PRCP: variants seen among roughly 807,000 people sequenced by gnomAD.
The protein encoded by PRCP is prolylcarboxypeptidase, also known as lysosomal Pro-X carboxypeptidase.
Under a neutral mutation model 54.2 loss-of-function variants are expected in PRCP, and 46 were observed. The ratio of observed to expected loss-of-function variants is 0.85; its 90% CI spans 0.67 to 1.09. PRCP has a LOEUF of 1.09. Among genes scored for constraint, PRCP ranks in the 50% least tolerant of loss-of-function variants. The pLI is 0.00. For missense variants in PRCP, 613 were observed against 596.8 expected, an observed-to-expected ratio of 1.03 and a Z score of -0.28; for synonymous variants, 240 against 212.2, an observed-to-expected ratio of 1.13 and a Z score of -1.14.
chr11:82,853,402 C>T, intron 2 of PRCP, 124 bp from the exon 3 acceptor site: 1 of 614,504 alleles, frequency 1.6e-6, no homozygotes, highest in Non-Finnish European at 2.7e-6. Flanking sequence ...CAAAGTTGCA[C>T]AATTTGTGTT....
intron 1 of PRCP, among the ~76,000 whole-genome samples, chr11:82,898,983 T>A (rs535122233): frequency 1.3e-3 from 166 of 132,714 alleles, no homozygotes; most frequent in Non-Finnish European, 2.3e-3. Flanking sequence ...CATCTCTATT[T>A]TTAAAAATAA....
At chr11:82,843,614 C>A (rs1858728312) in intron 6 of PRCP, among the ~76,000 whole-genome samples, 1 of 139,186 alleles carries the variant, frequency 7.2e-6, no homozygotes. Flanking sequence ...CCCAGGTATC[C>A]CTGAACTTAC....
chr11:82,833,213 A>C (rs1175309782), intron 8 of PRCP, among the ~76,000 whole-genome samples: 2 of 152,232 alleles, frequency 1.3e-5, no homozygotes, highest in African/African-American at 4.8e-5. Flanking sequence ...ATAAATTCAC[A>C]ATCTCATGGG....
In PRCP at chr11:82,882,391, T is replaced by C. The variant is rs144676967; in HGVS notation, c.168+17844A>G. Among the ~76,000 whole-genome samples, 288 of 152,290 alleles carry C rather than the reference T, an allele frequency of 1.9e-3. 2 individuals carry two copies. The highest frequency in any genetic ancestry group is 6.4e-3 in the African/African-American group (267 of 41,560). On this transcript the variant is annotated intron_variant, in intron 1 of 8. Transcript: ENST00000313010. The stretch of plus-strand genomic sequence containing the variant: ...GTTAAACCTGTTTTGGACACCTGAG[T>C]TGTGCTGAGATATCCATATTAGGGA...
intron 1 of PRCP, among the ~76,000 whole-genome samples, chr11:82,883,630 T>C (rs1456039224): frequency 2.0e-5 from 3 of 152,144 alleles, no homozygotes; most frequent in Non-Finnish European, 4.4e-5. Flanking sequence ...GGTCAGTCAG[T>C]TTGGAATTTA....
chr11:82,837,623 A>G (rs1043388933), intron 8 of PRCP, among the ~76,000 whole-genome samples: 3 of 152,238 alleles, frequency 2.0e-5, no homozygotes, highest in Non-Finnish European at 4.4e-5. Flanking sequence ...TCCTATTTCT[A>G]TATAGACTTG....
chr11:82,863,675 ATGGGTATGTGTT>A (rs1859263554), intron 1 of PRCP, among the ~76,000 whole-genome samples: 1 of 152,230 alleles, frequency 6.6e-6, no homozygotes, highest in African/African-American at 2.4e-5. Flanking sequence ...ATTTGAAAAC[ATGGGTATGTGTT>A]TGTATATGTC....
At chr11:82,852,258 T>C (rs992254298) in intron 3 of PRCP, among the ~76,000 whole-genome samples, 10 of 152,156 alleles carry the variant, frequency 6.6e-5, no homozygotes, top group Admixed American at 3.3e-4. Context: ...TAACACAACA[T>C]TTTTACTTAT....
intron 1 of PRCP, among the ~76,000 whole-genome samples, chr11:82,864,340 T>C (rs1331855803): frequency 6.6e-6 from 1 of 152,212 alleles, no homozygotes; most frequent in East Asian, 1.9e-4. Context: ...GATAACTAGA[T>C]AGTTTTCAAC....
At chr11:82,857,893 A>T (rs7128887) in intron 2 of PRCP, among the ~76,000 whole-genome samples, 2,673 of 152,234 alleles carry the variant, frequency 0.018, 69 homozygotes, top group African/African-American at 0.062. Flanking sequence ...CCACCTTGGC[A>T]GTGCTGATCA....
intron 1 of PRCP, among the ~76,000 whole-genome samples, chr11:82,895,499 G>A (rs1024820705): frequency 1.3e-5 from 2 of 152,052 alleles, no homozygotes; most frequent in African/African-American, 2.4e-5. Context: ...TCCTGTTCAA[G>A]CTCTATCAAG....
At chr11:82,854,635 A>G (rs550828403) in intron 2 of PRCP, among the ~76,000 whole-genome samples, 2 of 149,688 alleles carry the variant, frequency 1.3e-5, no homozygotes, top group South Asian at 4.2e-4. Flanking sequence ...ATCATTTTTC[A>G]CAGAGTTAGG....
chr11:82,886,565 T>C (rs1859868745), intron 1 of PRCP, among the ~76,000 whole-genome samples: 1 of 152,340 alleles, frequency 6.6e-6, no homozygotes, highest in East Asian at 1.9e-4. Context: ...ATTACAGGTG[T>C]GAACCAACAT....
intron 8 of PRCP, chr11:82,836,987 G>C (rs538346622): frequency 3.5e-5 from 10 of 289,542 alleles, no homozygotes; most frequent in South Asian, 2.5e-4. Flanking sequence ...TTAAGTTATG[G>C]GGCTCCACCC....
intron 1 of PRCP, among the ~76,000 whole-genome samples, chr11:82,873,737 C>T (rs1225597626): frequency 6.6e-6 from 1 of 152,140 alleles, no homozygotes; most frequent in Non-Finnish European, 1.5e-5. Flanking sequence ...GTGAATGATA[C>T]CATGAGAACC....
At chr11:82,853,524 C>T (rs559538108) in intron 2 of PRCP, among the ~76,000 whole-genome samples, 5 of 152,186 alleles carry the variant, frequency 3.3e-5, no homozygotes, top group African/African-American at 4.8e-5. Context: ...TAGTCATCCA[C>T]GTCTTTTTAT....
chr11:82,831,880 C>A (rs143418863), intron 8 of PRCP, among the ~76,000 whole-genome samples: 4 of 152,098 alleles, frequency 2.6e-5, no homozygotes, highest in Non-Finnish European at 5.9e-5. Context: ...ACCCTCACCC[C>A]CCGACAGGCC....
At chr11:82,897,348 T>C (rs915914654) in intron 1 of PRCP, among the ~76,000 whole-genome samples, 3 of 152,222 alleles carry the variant, frequency 2.0e-5, no homozygotes, top group Non-Finnish European at 4.4e-5. Flanking sequence ...TTTGTTTAGG[T>C]TCTTTTTGAA....
At chr11:82,831,714 A>G (rs1858387628) in intron 8 of PRCP, among the ~76,000 whole-genome samples, 1 of 151,994 alleles carries the variant, frequency 6.6e-6, no homozygotes. Flanking sequence ...GGCTCCTTGG[A>G]CACTTTCTTT....
Sources: allele counts gnomAD v4.1 joint callset (sites outside exome capture counted in the v4.1 genomes callset), GRCh38; gene constraint gnomAD v4.1.1; transcripts MANE v1.5; gene names NCBI Gene and HGNC (gene_info 2026-07-23, HGNC 2026-07-21).